Variants in MYO10 observed in about 807,000 individuals in gnomAD.
The protein encoded by MYO10 is myosin X.
A neutral mutation model predicts 257.3 loss-of-function variants in MYO10; 133 were observed. The observed-to-expected ratio is 0.52, with a 90% confidence interval of 0.45 to 0.60. The LOEUF (loss-of-function observed/expected upper bound fraction) is 0.60, where lower values mean the gene tolerates loss of function less well. Among genes scored for constraint, MYO10 ranks in the 20% least tolerant of loss-of-function variants. MYO10 has a pLI of 0.00. For missense variants in MYO10, 2,399 were observed against 2,635.7 expected (o/e 0.91, Z 1.97); for synonymous variants, 1,104 against 1,028.6 (o/e 1.07, Z -1.40).
chr5:16,858,014 G>A lies in MYO10; in HGVS notation c.120+19595C>T, dbSNP rs150914079. 3.6e-3 allele frequency among the ~76,000 whole-genome samples: 553 copies of A among 152,254 alleles called. 4 individuals are homozygous for A. The highest frequency in any genetic ancestry group is 0.012 in the African/African-American group (518 of 41,548). ...GCTTGGCAAACTTTTTCTGCTAAAGGACTGACGGTCCATACGTGAAGCTTT... is the reference window on the plus strand; with the variant it reads ...GCTTGGCAAACTTTTTCTGCTAAAGAACTGACGGTCCATACGTGAAGCTTT... On this transcript the variant is annotated intron_variant, in intron 2 of 40. Coordinates refer to ENST00000513610, the MANE Select transcript of MYO10 (RefSeq NM_012334.3).
intron 3 of MYO10, among the ~76,000 whole-genome samples, chr5:16,805,458 C>CAAAAAAAAAAAAAAAAAA: frequency 1.3e-5 from 1 of 78,342 alleles, no homozygotes; most frequent in Non-Finnish European, 2.4e-5. Context: ...GACTCCATCT[C>CAAAAAAAAAAAAAAAAAA]AAAAAAAAAA....
intron 33 of MYO10, among the ~76,000 whole-genome samples, chr5:16,677,093 C>CTAAA (rs1315638148): frequency 6.6e-6 from 1 of 152,060 alleles, no homozygotes; most frequent in Admixed American, 6.6e-5. Context: ...CATCATGTAC[C>CTAAA]TATGCTCCTA....
At chr5:16,836,545 G>A (rs181927995) in intron 2 of MYO10, among the ~76,000 whole-genome samples, 131 of 152,240 alleles carry the variant, frequency 8.6e-4, no homozygotes, top group African/African-American at 3.1e-3. Context: ...AAAATATGAC[G>A]GACATGCACC....
At chr5:16,703,797 A>G (rs898298076) in intron 22 of MYO10, among the ~76,000 whole-genome samples, 7 of 149,380 alleles carry the variant, frequency 4.7e-5, no homozygotes, top group Non-Finnish European at 7.4e-5. Flanking sequence ...CAGGAGAATC[A>G]CTTGAACCCG....
chr5:16,681,530 T>G, intron 31 of MYO10, 27 bp from the exon 32 acceptor site: 1 of 1,578,030 alleles, frequency 6.3e-7, no homozygotes, highest in Non-Finnish European at 8.6e-7. Flanking sequence ...AAGTGTAAAT[T>G]AAAATCTGTG....
At chr5:16,811,025 C>A (rs1742420873) in intron 3 of MYO10, among the ~76,000 whole-genome samples, 1 of 149,296 alleles carries the variant, frequency 6.7e-6, no homozygotes, top group East Asian at 2.0e-4. Flanking sequence ...GCCGACATGG[C>A]ACCACTGCAC....
chr5:16,681,219 A>T, intron 32 of MYO10, 90 bp downstream of exon 32: 1 of 1,337,972 alleles, frequency 7.5e-7, no homozygotes, highest in Non-Finnish European at 1.0e-6. Flanking sequence ...GAAATAAAGT[A>T]CACACTAGGA....
intron 6 of MYO10, 110 bp downstream of exon 6, chr5:16,781,595 G>T: frequency 2.5e-6 from 3 of 1,186,454 alleles, no homozygotes; most frequent in South Asian, 3.1e-5. Flanking sequence ...ATTCGTTAAA[G>T]AACCAGAGAA....
intron 1 of MYO10, among the ~76,000 whole-genome samples, chr5:16,928,616 C>T (rs897683308): frequency 3.3e-5 from 5 of 152,002 alleles, no homozygotes; most frequent in African/African-American, 4.8e-5. Flanking sequence ...GAGGCTGTGA[C>T]GGGTGGATCA....
intron 39 of MYO10, among the ~76,000 whole-genome samples, chr5:16,670,172 G>T (rs998201056): frequency 1.3e-5 from 2 of 151,984 alleles, no homozygotes; most frequent in African/African-American, 4.8e-5. Context: ...AAAGTAAAAT[G>T]CAAGTATATC....
intron 2 of MYO10, among the ~76,000 whole-genome samples, chr5:16,839,929 T>C (rs1580059907): frequency 6.6e-6 from 1 of 152,166 alleles, no homozygotes; most frequent in East Asian, 1.9e-4. Flanking sequence ...TTTGTCAGGA[T>C]AGAGCCTCAT....
chr5:16,864,530 T>C (rs1744189952), intron 2 of MYO10, among the ~76,000 whole-genome samples: 1 of 152,144 alleles, frequency 6.6e-6, no homozygotes, highest in South Asian at 2.1e-4. Context: ...GTTCGTGCAT[T>C]TATCCCTGAA....
intron 26 of MYO10, among the ~76,000 whole-genome samples, chr5:16,696,895 G>A (rs942107805): frequency 2.0e-5 from 3 of 151,498 alleles, no homozygotes; most frequent in South Asian, 4.2e-4. Context: ...ACATTAAGAG[G>A]AATATTGAAG....
rs140743732 is a variant in MYO10, at chr5:16,866,244, G to A, written c.120+11365C>T. Among the ~76,000 whole-genome samples, 72 of 152,206 alleles carry A rather than the reference G, an allele frequency of 4.7e-4. No individual in the cohort carries two copies. In the East Asian group the frequency reaches 0.012, roughly 25 times the overall value. On this transcript the variant is annotated intron_variant, in intron 2 of 40. Coordinates refer to ENST00000513610, the MANE Select transcript of MYO10 (RefSeq NM_012334.3). ...TACAGCTGTGAGCAAATGCACATAC[G>A]CAACGGCACCAGCGTTAAAGCTGGC...
At chr5:16,903,297 C>A (rs189946311) in intron 1 of MYO10, among the ~76,000 whole-genome samples, 1 of 152,132 alleles carries the variant, frequency 6.6e-6, no homozygotes. Flanking sequence ...CCTAGCAACT[C>A]GGGAGGCTGA....
chr5:16,675,155 G>A lies in MYO10; in HGVS notation c.4667-5C>T, dbSNP rs1257514919. ...TATAGCCTTTGTCTTTGAGCACTAG[G>A]ACAAGCAAAACAAACACGGAACTCA... On this transcript the variant is annotated splice_region_variant and splice_polypyrimidine_tract_variant and intron_variant, in intron 34 of 40. Transcript: ENST00000513610. 1.2e-6 allele frequency: 2 copies of A among 1,612,702 alleles called. No homozygotes were observed. Among genetic ancestry groups the A allele is most frequent in the Non-Finnish European group, 1.7e-6 (2 of 1,179,844 alleles).
intron 4 of MYO10, among the ~76,000 whole-genome samples, chr5:16,786,805 A>G (rs539993992): frequency 2.0e-5 from 3 of 152,228 alleles, no homozygotes; most frequent in Non-Finnish European, 2.9e-5. Flanking sequence ...CCCTGGCTGC[A>G]TATTAGAATC....
intron 38 of MYO10, 145 bp from the exon 39 acceptor site, chr5:16,671,123 G>T: frequency 2.5e-6 from 2 of 814,712 alleles, no homozygotes; most frequent in Non-Finnish European, 3.8e-6. Flanking sequence ...CTCACCCCTG[G>T]CTCACTGCTT....
intron 1 of MYO10, among the ~76,000 whole-genome samples, chr5:16,879,264 TTTCA>T (rs1744694180): frequency 6.6e-6 from 1 of 152,236 alleles, no homozygotes; most frequent in South Asian, 2.1e-4. Flanking sequence ...TTCTACCTCA[TTTCA>T]TTTATTTCTG....
Sources: allele counts gnomAD v4.1 joint callset (sites outside exome capture counted in the v4.1 genomes callset), GRCh38; gene constraint gnomAD v4.1.1; transcripts MANE v1.5; gene names NCBI Gene and HGNC (gene_info 2026-07-23, HGNC 2026-07-21).